Variants in ARHGAP27 observed in about 807,000 individuals in gnomAD.
ARHGAP27 encodes the protein Rho GTPase activating protein 27.
ARHGAP27 carries 53 observed loss-of-function variants against 102.0 expected under a neutral mutation model. The observed-to-expected ratio is 0.52, with a 90% CI of 0.42 to 0.65. The LOEUF (loss-of-function observed/expected upper bound fraction) is 0.65. Among genes scored for constraint, ARHGAP27 ranks in the 30% least tolerant of loss-of-function variants. The pLI is 0.00. For missense variants in ARHGAP27, 1,117 were observed against 1,256.2 expected, an observed-to-expected ratio of 0.89 and a Z score of 1.68; for synonymous variants, 525 against 542.8, an observed-to-expected ratio of 0.97 and a Z score of 0.46.
chr17:45,425,537 C>T (rs1044115156), intron 4 of ARHGAP27: 165 of 984,028 alleles, frequency 1.7e-4, no homozygotes, highest in Non-Finnish European at 1.4e-4. Context: ...GTGGCCACCC[C>T]CTAGTCCCCC....
chr17:45,421,691 G>C (rs2049050424), intron 4 of ARHGAP27, among the ~76,000 whole-genome samples: 1 of 152,038 alleles, frequency 6.6e-6, no homozygotes, highest in Non-Finnish European at 1.5e-5. Context: ...GAAATGGAAA[G>C]TGTAACAGGA....
At chr17:45,416,008 T>G (rs1338465393) in intron 4 of ARHGAP27, among the ~76,000 whole-genome samples, 2 of 152,162 alleles carry the variant, frequency 1.3e-5, no homozygotes, top group Non-Finnish European at 2.9e-5. Context: ...TGTTTACTTT[T>G]CAGAGATGCA....
In ARHGAP27 at chr17:45,397,037, A is replaced by T; in HGVS notation, c.1843-13T>A. The stretch of plus-strand genomic sequence containing the variant: ...GCAGCTCTGCGGACTGGATTCCCAT[A>T]GCCTCAGAGAGGCGGGGCCTTGAGC... On this transcript the variant is annotated splice_polypyrimidine_tract_variant and intron_variant, in intron 13 of 19. Coordinates refer to ENST00000685559, the MANE Select transcript of ARHGAP27 (RefSeq NM_001282290.2). The T allele has an allele frequency of 6.2e-7, 1 of 1,601,274 alleles. No individual in the cohort carries two copies. The highest frequency in any genetic ancestry group is 1.1e-5 in the South Asian group (1 of 91,074).
chr17:45,404,836 G>T, intron 6 of ARHGAP27, 88 bp downstream of exon 6: 1 of 1,582,634 alleles, frequency 6.3e-7, no homozygotes, highest in East Asian at 2.3e-5. Context: ...TGGGAGCTGC[G>T]GTTTAGAGCA....
chr17:45,408,730 T>C (rs1361089259), intron 4 of ARHGAP27: 1 of 152,230 alleles, frequency 6.6e-6, no homozygotes, highest in Admixed American at 6.5e-5. Context: ...CCTACCCAAA[T>C]CCTGCTCTCT....
chr17:45,425,225 G>C (rs2049461995), intron 4 of ARHGAP27, among the ~76,000 whole-genome samples: 2 of 151,904 alleles, frequency 1.3e-5, no homozygotes, highest in Non-Finnish European at 2.9e-5. Context: ...GCCCCACCTG[G>C]GGGTTGGGGG....
intron 4 of ARHGAP27, among the ~76,000 whole-genome samples, chr17:45,428,414 TGGGCC>T (rs2049808667): frequency 6.6e-6 from 1 of 152,206 alleles, no homozygotes; most frequent in Admixed American, 6.5e-5. Context: ...CAGAGGACGC[TGGGCC>T]TGGGGGAACG....
chr17:45,411,485 G>C (rs1390980019), intron 4 of ARHGAP27, among the ~76,000 whole-genome samples: 1 of 151,806 alleles, frequency 6.6e-6, no homozygotes, highest in African/African-American at 2.4e-5. Flanking sequence ...CTCTTCTCCT[G>C]TACCCACTGT....
At chr17:45,414,108 A>G (rs2048200973) in intron 4 of ARHGAP27, among the ~76,000 whole-genome samples, 1 of 150,530 alleles carries the variant, frequency 6.6e-6, no homozygotes, top group Non-Finnish European at 1.5e-5. Context: ...TCCATCTCAA[A>G]AAAAAAAAAA....
chr17:45,418,985 GC>G (rs897638788), intron 4 of ARHGAP27, among the ~76,000 whole-genome samples: 4 of 151,916 alleles, frequency 2.6e-5, no homozygotes, highest in East Asian at 1.9e-4. Flanking sequence ...CCACTCTAGG[GC>G]CCCCCCACCA....
At chr17:45,417,167 A>AT (rs2048553026) in intron 4 of ARHGAP27, among the ~76,000 whole-genome samples, 1 of 149,736 alleles carries the variant, frequency 6.7e-6, no homozygotes, top group Admixed American at 6.7e-5. Context: ...AAAAAAAAAA[A>AT]CAAAAATTAT....
Position 45,395,465 on chromosome 17 carries a change from C to T in ARHGAP27, c.2661G>A (p.Pro887=). 1 of 1,561,660 alleles carries T rather than the reference C, an allele frequency of 6.4e-7. No individual in the cohort carries two copies. The highest frequency in any genetic ancestry group is 1.2e-5 in the South Asian group (1 of 85,046). The change falls in exon 20 of 20, where the codon CCG becomes CCA. Residue 887 remains proline (P), a synonymous_variant. Coordinates refer to ENST00000685559, the MANE Select transcript of ARHGAP27 (RefSeq NM_001282290.2). The part of the protein sequence containing the change: ...LILQQCADIF[P]PH ...AGTCACAGGCCAGCAGTCAGTGCGG[C>T]GGGAAGATGTCCGCGCACTGCTGCA...
chr17:45,395,694 G>C (rs756593379), intron 19 of ARHGAP27, 50 bp downstream of exon 19: 4 of 1,567,254 alleles, frequency 2.6e-6, no homozygotes, highest in Non-Finnish European at 3.5e-6. Flanking sequence ...GGCGCTGGGG[G>C]CTTCAGCCGG....
intron 16 of ARHGAP27, 48 bp from the exon 17 acceptor site, chr17:45,396,332 G>A: frequency 6.4e-7 from 1 of 1,555,838 alleles, no homozygotes; most frequent in Non-Finnish European, 8.7e-7. Context: ...TGGGGATAGG[G>A]TGGGGCTACG....
rs1205111922 is a variant in ARHGAP27 at position 45,431,672 on chromosome 17, G to A, written c.-70C>T. The A allele has an allele frequency of 5.7e-6, 1 of 176,034 alleles. No individual in the cohort carries two copies. The highest frequency in any genetic ancestry group is 1.2e-5 in the Non-Finnish European group (1 of 82,852). The allele number at this position is 176,034 out of a possible 1,614,324, so 10.9% of individuals were successfully genotyped here. A position where few individuals can be genotyped will look rare whatever the true frequency, so the allele number is the denominator to read the frequency against. ...CATGGGCTGGGTGGGCGGAGCCGGC[G>A]GTGGCTGCAGGTTAGGCCCCTACCA... On this transcript the variant is annotated 5_prime_UTR_variant, in exon 3 of 20. Transcript: ENST00000685559.
intron 4 of ARHGAP27, chr17:45,410,518 C>T: frequency 9.4e-7 from 1 of 1,059,382 alleles, no homozygotes; most frequent in Non-Finnish European, 1.3e-6. Context: ...CTTCTAGAAA[C>T]ACTGCTGGCT....
At chr17:45,422,245 A>G (rs1355168921) in intron 4 of ARHGAP27, among the ~76,000 whole-genome samples, 1 of 147,938 alleles carries the variant, frequency 6.8e-6, no homozygotes, top group Non-Finnish European at 1.5e-5. Flanking sequence ...CACTACAAAA[A>G]ATACCAAAAA....
intron 12 of ARHGAP27, among the ~76,000 whole-genome samples, chr17:45,400,468 C>A (rs899946201): frequency 6.6e-6 from 1 of 152,182 alleles, no homozygotes; most frequent in Non-Finnish European, 1.5e-5. Context: ...CTGGCCTGAG[C>A]AGCACCTGCC....
intron 16 of ARHGAP27, 60 bp from the exon 17 acceptor site, chr17:45,396,344 G>A: frequency 6.5e-7 from 1 of 1,528,128 alleles, no homozygotes. Flanking sequence ...GGGGCTACGG[G>A]TCCCTGCTAT....
Sources: allele counts gnomAD v4.1 joint callset (sites outside exome capture counted in the v4.1 genomes callset), GRCh38; gene constraint gnomAD v4.1.1; transcripts MANE v1.5; gene names NCBI Gene and HGNC (gene_info 2026-07-23, HGNC 2026-07-21).